SPATA6: variants seen among roughly 807,000 people sequenced by gnomAD.
The protein encoded by SPATA6 is spermatogenesis-associated protein 6.
SPATA6 carries 56 observed loss-of-function variants against 65.3 expected under a neutral mutation model. The ratio of observed to expected loss-of-function variants is 0.86; its 90% CI spans 0.69 to 1.07. The LOEUF (loss-of-function observed/expected upper bound fraction) is 1.07. Ranked by LOEUF, SPATA6 falls within the 50% of genes least tolerant of loss-of-function variation. SPATA6 has a pLI of 0.00. For synonymous variants in SPATA6, 199 were observed against 213.2 expected (o/e 0.93, Z 0.58); for missense variants, 590 against 594.8 (o/e 0.99, Z 0.08).
intron 1 of SPATA6, among the ~76,000 whole-genome samples, chr1:48,470,823 A>C (rs1658183031): frequency 1.3e-5 from 2 of 152,060 alleles, no homozygotes; most frequent in African/African-American, 4.8e-5. Context: ...AGTAATGGTA[A>C]TATTTCAGCA....
At chr1:48,390,251 T>C (rs1649912109) in intron 8 of SPATA6, among the ~76,000 whole-genome samples, 1 of 152,204 alleles carries the variant, frequency 6.6e-6, no homozygotes. Context: ...AAATTAATGA[T>C]ATCATGTCAT....
At chr1:48,305,087 A>C (rs1018653833) in intron 12 of SPATA6, among the ~76,000 whole-genome samples, 1 of 152,188 alleles carries the variant, frequency 6.6e-6, no homozygotes, top group Non-Finnish European at 1.5e-5. Flanking sequence ...CATAAGGAAA[A>C]GTCCTCACAT....
Position 48,400,941 on chromosome 1 carries a change from A to C in SPATA6, c.487-1297T>G, listed in dbSNP as rs551602742. ...ACTTACAGAAGCAAAGAATGTCAGC[A>C]CTAGAAATGATCTTTGAGTTTACTA... On this transcript the variant is annotated intron_variant, in intron 6 of 12. Transcript: ENST00000371847. The C allele has an allele frequency of 5.3e-6, 3 of 563,902 alleles. No individual in the cohort carries two copies. In the South Asian group the frequency reaches 8.8e-5, roughly 17 times the overall value. The allele number at this position is 563,902 out of a possible 1,614,324, so 34.9% of individuals were successfully genotyped here. A position where few individuals can be genotyped will look rare whatever the true frequency, so the allele number is the denominator to read the frequency against.
chr1:48,278,571 A>G, the SPATA6 span, among the ~76,000 whole-genome samples: 2 of 152,234 alleles, frequency 1.3e-5, no homozygotes, highest in Non-Finnish European at 2.9e-5. Context: ...CAACTGGAAG[A>G]AAGGGTATCA....
chr1:48,420,292 T>G (rs1653202719), intron 3 of SPATA6, among the ~76,000 whole-genome samples: 1 of 152,198 alleles, frequency 6.6e-6, no homozygotes, highest in Non-Finnish European at 1.5e-5. Flanking sequence ...CCATATTCTT[T>G]ATACTAGCCT....
At chr1:48,406,732 TTGAG>T (rs1425880750) in intron 5 of SPATA6, among the ~76,000 whole-genome samples, 1 of 152,198 alleles carries the variant, frequency 6.6e-6, no homozygotes, top group Non-Finnish European at 1.5e-5. Context: ...CTAACATTTA[TTGAG>T]TGTTTACTTG....
chr1:48,303,587 C>G (rs900789620), intron 12 of SPATA6, among the ~76,000 whole-genome samples: 2 of 152,114 alleles, frequency 1.3e-5, no homozygotes, highest in African/African-American at 4.8e-5. Context: ...CATGTTGTTG[C>G]TAATGAAAAG....
chr1:48,324,267 T>C (rs905473491), intron 11 of SPATA6, among the ~76,000 whole-genome samples: 6 of 152,222 alleles, frequency 3.9e-5, no homozygotes, highest in East Asian at 3.9e-4. Context: ...AACGCAAACA[T>C]TGGAAGTAGA....
chr1:48,329,283 G>A (rs1044831603), intron 11 of SPATA6, among the ~76,000 whole-genome samples: 2 of 152,042 alleles, frequency 1.3e-5, no homozygotes, highest in African/African-American at 4.8e-5. Flanking sequence ...CTAAAGCAGT[G>A]GCGTAGAGGG....
chr1:48,354,188 C>T (rs1557601408), intron 11 of SPATA6, among the ~76,000 whole-genome samples: 1 of 151,930 alleles, frequency 6.6e-6, no homozygotes, highest in East Asian at 1.9e-4. Context: ...CAAAAGAAAA[C>T]ACAGAGAAGC....
At chr1:48,311,243 A>G in intron 11 of SPATA6, among the ~76,000 whole-genome samples, 1 of 152,126 alleles carries the variant, frequency 6.6e-6, no homozygotes, top group African/African-American at 2.4e-5. Context: ...AAAATAGAAA[A>G]CTGGATAAAA....
At chr1:48,270,240 T>A in the SPATA6 span, among the ~76,000 whole-genome samples, 17 of 152,290 alleles carry the variant, frequency 1.1e-4, no homozygotes, top group Non-Finnish European at 1.5e-5. Context: ...TGCATTGATG[T>A]GCCTTTCATA....
chr1:48,301,847 G>T (rs1644947089), intron 12 of SPATA6, among the ~76,000 whole-genome samples: 1 of 151,962 alleles, frequency 6.6e-6, no homozygotes, highest in Non-Finnish European at 1.5e-5. Context: ...TAAAAATAAT[G>T]CCTATATCTC....
At chr1:48,325,316 T>C (rs1042588702) in intron 11 of SPATA6, 1 of 1,205,248 alleles carries the variant, frequency 8.3e-7, no homozygotes, top group Non-Finnish European at 1.2e-6. Flanking sequence ...CTTCACTGTG[T>C]GTAGGGCACA....
chr1:48,366,689 CTTCT>C (rs1313990200), intron 9 of SPATA6, among the ~76,000 whole-genome samples: 1 of 152,010 alleles, frequency 6.6e-6, no homozygotes, highest in African/African-American at 2.4e-5. Flanking sequence ...TCTCTCTTTT[CTTCT>C]TTATTAATGT....
chr1:48,399,465 T>C lies in SPATA6; in HGVS notation c.666A>G (p.Thr222=), dbSNP rs1280420620. 1 of 1,613,350 alleles carries C rather than the reference T, an allele frequency of 6.2e-7. No individual in the cohort carries two copies. Among genetic ancestry groups the C allele is most frequent in the Non-Finnish European group, 8.5e-7 (1 of 1,179,514 alleles). The part of the protein sequence containing the change: ...SSKSHSPSPY[T]KRRMCELSED... ...CAGATAGCTCACACATGCGTCTTTTTGTGTAGGGAGATGGAGAGTGTGATT... is the reference window on the plus strand; with the variant it reads ...CAGATAGCTCACACATGCGTCTTTTCGTGTAGGGAGATGGAGAGTGTGATT... Residue 222 remains threonine, a synonymous_variant, in exon 7 of 13, where the codon ACA becomes ACG. Coordinates refer to ENST00000371847, the MANE Select transcript of SPATA6 (RefSeq NM_019073.4).
rs190325663 is a variant in SPATA6 at position 48,435,596 on chromosome 1, A to T, written c.238+15956T>A. Among the ~76,000 whole-genome samples the T allele has an allele frequency of 3.4e-3, 514 of 151,700 alleles. 4 individuals carry two copies. Among genetic ancestry groups the T allele is most frequent in the Middle Eastern group, 0.014 (4 of 294 alleles). On this transcript the variant is annotated intron_variant, in intron 3 of 12. Coordinates refer to ENST00000371847, the MANE Select transcript of SPATA6 (RefSeq NM_019073.4). ...TCAGTGCTCTGCATCTAGCTGAAGG[A>T]TTGTGAATGCATCAAGCAGCACTCT...
At chr1:48,378,259 G>T (rs1383420261) in intron 9 of SPATA6, among the ~76,000 whole-genome samples, 1 of 152,148 alleles carries the variant, frequency 6.6e-6, no homozygotes, top group African/African-American at 2.4e-5. Flanking sequence ...AGGCAGCATG[G>T]GGAACAGCTA....
chr1:48,298,615 C>A lies in SPATA6; in HGVS notation c.*98G>T, dbSNP rs1267614729. On this transcript the variant is annotated 3_prime_UTR_variant, in exon 13 of 13. Coordinates refer to ENST00000371847, the MANE Select transcript of SPATA6 (RefSeq NM_019073.4). ...TATAACTATTGTACTTAGTTATAAT[C>A]CCATTTTTTTTAAAAAAAGGAATAC... 2.5e-6 allele frequency: 3 copies of A among 1,188,894 alleles called. No homozygotes were observed. The East Asian group carries it at 7.2e-5, about 28-fold the overall frequency. The allele number at this position is 1,188,894 out of a possible 1,614,324, so 73.6% of individuals were successfully genotyped here. A position where few individuals can be genotyped will look rare whatever the true frequency, so the allele number is the denominator to read the frequency against.
Sources: gnomAD v4.1 joint callset for allele counts (sites outside exome capture counted in the v4.1 genomes callset) on GRCh38, gnomAD v4.1.1 for gene constraint, MANE v1.5 for transcripts, NCBI Gene and HGNC (gene_info 2026-07-23, HGNC 2026-07-21) for gene names.